KIF6: variants seen among roughly 807,000 people sequenced by gnomAD.
KIF6 encodes kinesin-like protein KIF6.
In KIF6, 106 loss-of-function variants were observed where a neutral mutation model predicts 112.7. The ratio of observed to expected loss-of-function variants is 0.94; its 90% CI spans 0.80 to 1.11. The LOEUF (loss-of-function observed/expected upper bound fraction) is 1.11. Among genes scored for constraint, KIF6 ranks in the 50% least tolerant of loss-of-function variants. KIF6 has a pLI of 0.00. For missense variants in KIF6, 929 were observed against 964.0 expected, an observed-to-expected ratio of 0.96 and a Z score of 0.48; for synonymous variants, 339 against 339.9, an observed-to-expected ratio of 1.00 and a Z score of 0.03.
At position 39,634,864 on chromosome 6, in the gene KIF6, C is replaced by G; in HGVS notation, c.494G>C (p.Ser165Thr). ...DLLDPRHEAS[S>T]LEDLPKVTIL... ...TGCTACTCACGGCAAATCTTCCAAACTGGAGGCTTCATGTCTTGGATCCAA... is the reference window on the plus strand; with the variant it reads ...TGCTACTCACGGCAAATCTTCCAAAGTGGAGGCTTCATGTCTTGGATCCAA... The change falls in exon 5 of 23, where the codon AGT becomes ACT. Residue 165 changes from serine (S) to threonine (T), a missense_variant. This residue lies in a region of KIF6 where 688 missense variants were observed against 662.7 expected (regional missense o/e 1.04). Coordinates refer to ENST00000287152, the MANE Select transcript of KIF6 (RefSeq NM_145027.6). 6.2e-7 allele frequency: 1 copy of G among 1,604,144 alleles called. No homozygotes were observed.
chr6:39,391,459 C>T (rs1767889182), intron 15 of KIF6, among the ~76,000 whole-genome samples: 1 of 152,158 alleles, frequency 6.6e-6, no homozygotes, highest in Non-Finnish European at 1.5e-5. Context: ...ACAAACTCAG[C>T]CCCTCTCCAG....
chr6:39,345,556 C>T, intron 21 of KIF6, 144 bp downstream of exon 21: 1 of 596,124 alleles, frequency 1.7e-6, no homozygotes, highest in Non-Finnish European at 2.9e-6. Context: ...AGGGAATTCC[C>T]AGGGGACCAG....
chr6:39,360,650 G>A, intron 17 of KIF6, 120 bp from the exon 18 acceptor site: 1 of 1,141,858 alleles, frequency 8.8e-7, no homozygotes, highest in Non-Finnish European at 1.3e-6. Context: ...CTGGTGCTCA[G>A]GGACTGGGAC....
At chr6:39,492,153 CA>C (rs1487710215) in intron 13 of KIF6, among the ~76,000 whole-genome samples, 1 of 152,068 alleles carries the variant, frequency 6.6e-6, no homozygotes, top group Admixed American at 6.5e-5. Flanking sequence ...AGAAGTTCTC[CA>C]AAGGATCAAA....
intron 22 of KIF6, among the ~76,000 whole-genome samples, chr6:39,341,371 C>T (rs1274528679): frequency 6.6e-6 from 1 of 152,146 alleles, no homozygotes; most frequent in Non-Finnish European, 1.5e-5. Context: ...TGAGGCCATA[C>T]CCACTTATCT....
intron 16 of KIF6, among the ~76,000 whole-genome samples, chr6:39,381,008 G>A (rs1354450492): frequency 6.6e-6 from 1 of 152,250 alleles, no homozygotes; most frequent in African/African-American, 2.4e-5. Context: ...TTTATGGACT[G>A]AGCCAGCTCA....
intron 13 of KIF6, among the ~76,000 whole-genome samples, chr6:39,530,882 C>T (rs1008431240): frequency 9.9e-5 from 15 of 152,126 alleles, no homozygotes; most frequent in African/African-American, 3.1e-4. Flanking sequence ...TTTATACAAG[C>T]CTCTTGTATA....
intron 15 of KIF6, among the ~76,000 whole-genome samples, chr6:39,417,082 A>C (rs73732105): frequency 0.047 from 7,141 of 152,176 alleles, 538 homozygotes; most frequent in African/African-American, 0.16. Context: ...CCCTAAGAAA[A>C]ATGCACTCAC....
chr6:39,341,826 G>A (rs1464320768), intron 22 of KIF6, among the ~76,000 whole-genome samples: 4 of 152,034 alleles, frequency 2.6e-5, no homozygotes, highest in East Asian at 1.9e-4. Flanking sequence ...CTCATATTTG[G>A]TCTACTGGTG....
At chr6:39,451,073 C>G (rs1232075660) in intron 13 of KIF6, among the ~76,000 whole-genome samples, 1 of 152,094 alleles carries the variant, frequency 6.6e-6, no homozygotes, top group Non-Finnish European at 1.5e-5. Flanking sequence ...TATATATACA[C>G]TATGCAAATA....
intron 16 of KIF6, among the ~76,000 whole-genome samples, chr6:39,371,615 T>A (rs1765999989): frequency 6.6e-6 from 1 of 152,184 alleles, no homozygotes; most frequent in Admixed American, 6.5e-5. Flanking sequence ...CTTCCTGCCT[T>A]GCTGCAGTGA....
chr6:39,534,537 AG>A (rs1562295538), intron 13 of KIF6, among the ~76,000 whole-genome samples: 1 of 152,236 alleles, frequency 6.6e-6, no homozygotes, highest in African/African-American at 2.4e-5. Flanking sequence ...AAATGATCAA[AG>A]CCTCCAAGAA....
intron 13 of KIF6, among the ~76,000 whole-genome samples, chr6:39,525,401 G>A (rs1191507925): frequency 6.6e-6 from 1 of 152,168 alleles, no homozygotes; most frequent in South Asian, 2.1e-4. Context: ...CCTATTTGAA[G>A]AATTCATTTT....
At chr6:39,636,740 T>C (rs1241241479) in intron 4 of KIF6, among the ~76,000 whole-genome samples, 2 of 152,054 alleles carry the variant, frequency 1.3e-5, no homozygotes, top group Non-Finnish European at 2.9e-5. Flanking sequence ...TAAACCAACA[T>C]ATTTTTAAAA....
At chr6:39,599,407 G>A (rs1782457870) in intron 6 of KIF6, among the ~76,000 whole-genome samples, 1 of 152,152 alleles carries the variant, frequency 6.6e-6, no homozygotes, top group Admixed American at 6.5e-5. Flanking sequence ...ATATACACCA[G>A]AGTTGATTTA....
chr6:39,410,129 G>T (rs1326710946), intron 15 of KIF6, among the ~76,000 whole-genome samples: 1 of 152,200 alleles, frequency 6.6e-6, no homozygotes, highest in Non-Finnish European at 1.5e-5. Context: ...ATGCCCCTGT[G>T]GCTCTGCATC....
At chr6:39,480,247 G>C (rs950574704) in intron 13 of KIF6, among the ~76,000 whole-genome samples, 1 of 151,896 alleles carries the variant, frequency 6.6e-6, no homozygotes, top group Admixed American at 6.6e-5. Context: ...TTTTTCTAAG[G>C]GTTTTAATCA....
At chr6:39,598,970 C>T (rs998575843) in intron 6 of KIF6, among the ~76,000 whole-genome samples, 17 of 151,932 alleles carry the variant, frequency 1.1e-4, no homozygotes, top group Admixed American at 3.9e-4. Context: ...CAGAAGCATA[C>T]GGCAAATTAA....
chr6:39,504,170 G>T (rs746762456), intron 13 of KIF6, among the ~76,000 whole-genome samples: 9 of 152,164 alleles, frequency 5.9e-5, no homozygotes, highest in Non-Finnish European at 1.3e-4. Flanking sequence ...GATCAAGTAG[G>T]CTTCATCCCC....
Sources: allele counts gnomAD v4.1 joint callset (sites outside exome capture counted in the v4.1 genomes callset), GRCh38; gene constraint gnomAD v4.1.1; regional missense constraint gnomAD v4.1.1; transcripts MANE v1.5; gene names NCBI Gene and HGNC (gene_info 2026-07-23, HGNC 2026-07-21).